The following FGGY variants were observed in gnomAD, a reference collection of about 807,000 sequenced individuals.
The protein encoded by FGGY is FGGY carbohydrate kinase domain containing.
FGGY carries 72 observed loss-of-function variants against 71.3 expected under a neutral mutation model. The observed-to-expected ratio is 1.01, with a 90% confidence interval of 0.84 to 1.23. FGGY has a LOEUF of 1.23. Among genes scored for constraint, FGGY ranks in the 50% most tolerant of loss-of-function variants. The probability of loss-of-function intolerance (pLI) is 0.00; values close to 1 mark genes in which losing one functional copy is unlikely to be tolerated. For missense variants in FGGY, 668 were observed against 682.3 expected (o/e 0.98, Z 0.23); for synonymous variants, 251 against 250.3 (o/e 1.00, Z -0.02).
At chr1:59,341,138 G>T (rs2050597811) in intron 3 of FGGY, among the ~76,000 whole-genome samples, 1 of 152,204 alleles carries the variant, frequency 6.6e-6, no homozygotes, top group African/African-American at 2.4e-5. Flanking sequence ...TAGCTCTGCT[G>T]TTGCTGAGCT....
intron 7 of FGGY, among the ~76,000 whole-genome samples, chr1:59,551,528 TC>T (rs1447040297): frequency 5.3e-5 from 8 of 152,184 alleles, no homozygotes; most frequent in African/African-American, 1.9e-4. Context: ...GTCAAGGATC[TC>T]AGAATCAATA....
chr1:59,412,318 C>A (rs1286554356), intron 5 of FGGY, among the ~76,000 whole-genome samples: 1 of 145,838 alleles, frequency 6.9e-6, no homozygotes, highest in African/African-American at 2.4e-5. Flanking sequence ...TCCTTTCTCT[C>A]TATCGTGGAT....
At chr1:59,676,040 C>T (rs115401736) in intron 14 of FGGY, among the ~76,000 whole-genome samples, 2,318 of 152,210 alleles carry the variant, frequency 0.015, 25 homozygotes, top group Middle Eastern at 0.071. Context: ...AGGGCTCCCA[C>T]GAGACCCTGA....
intron 6 of FGGY, among the ~76,000 whole-genome samples, chr1:59,491,053 T>TTCCTTTCCTTTCCTTTCCTTCCCTCCCTC (rs1570025870): frequency 1.5e-3 from 3 of 2,038 alleles, no homozygotes; most frequent in Non-Finnish European, 1.4e-3. Context: ...CTTCCTTCCT[T>TTCCTTTCCTTTCCTTTCCTTCCCTCCCTC]CCTTCCTTCC....
At chr1:59,740,033 G>A (rs2098135026) in intron 14 of FGGY, among the ~76,000 whole-genome samples, 1 of 152,062 alleles carries the variant, frequency 6.6e-6, no homozygotes, top group Non-Finnish European at 1.5e-5. Context: ...GTTCCTGTGT[G>A]TGGCCCTTTC....
chr1:59,532,939 A>T (rs938986840), intron 7 of FGGY, among the ~76,000 whole-genome samples: 5 of 152,022 alleles, frequency 3.3e-5, no homozygotes, highest in African/African-American at 7.2e-5. Context: ...AAGTCAATAC[A>T]AAACTCTATT....
At chr1:59,466,686 G>C (rs972707251) in intron 6 of FGGY, among the ~76,000 whole-genome samples, 7 of 152,156 alleles carry the variant, frequency 4.6e-5, no homozygotes, top group Non-Finnish European at 8.8e-5. Flanking sequence ...CCATCAAAAA[G>C]TGGGCAACGG....
chr1:59,742,639 A>G (rs1469967244), intron 14 of FGGY, among the ~76,000 whole-genome samples: 1 of 152,252 alleles, frequency 6.6e-6, no homozygotes, highest in African/African-American at 2.4e-5. Context: ...TAAGCATATT[A>G]AAATCTGAAC....
chr1:59,600,068 G>T (rs552871646), intron 8 of FGGY, among the ~76,000 whole-genome samples: 1 of 152,316 alleles, frequency 6.6e-6, no homozygotes, highest in East Asian at 1.9e-4. Flanking sequence ...ACGCTTAAGA[G>T]AGTACAGGAT....
intron 2 of FGGY, among the ~76,000 whole-genome samples, chr1:59,325,197 C>CAA (rs11439290): frequency 3.8e-4 from 57 of 149,826 alleles, no homozygotes; most frequent in East Asian, 2.4e-3. Context: ...ACTAAAAATA[C>CAA]AAAAAAAAAA....
chr1:59,412,110 C>T (rs1360897095), intron 5 of FGGY, among the ~76,000 whole-genome samples: 1 of 152,190 alleles, frequency 6.6e-6, no homozygotes, highest in African/African-American at 2.4e-5. Flanking sequence ...ATTGTACCAT[C>T]TCTTGTTCCA....
intron 6 of FGGY, among the ~76,000 whole-genome samples, chr1:59,458,923 A>C (rs1342805354): frequency 1.3e-5 from 2 of 152,216 alleles, no homozygotes; most frequent in African/African-American, 2.4e-5. Context: ...ATTCTTTAGC[A>C]ATTCTTGGAA....
intron 5 of FGGY, among the ~76,000 whole-genome samples, chr1:59,388,424 A>G (rs766319292): frequency 1.1e-4 from 17 of 152,106 alleles, no homozygotes; most frequent in Non-Finnish European, 2.4e-4. Context: ...ATGGGGTGCA[A>G]AGTCAACTCT....
At chr1:59,725,281 A>G (rs2097933045) in intron 14 of FGGY, among the ~76,000 whole-genome samples, 1 of 151,880 alleles carries the variant, frequency 6.6e-6, no homozygotes, top group Non-Finnish European at 1.5e-5. Context: ...AAATCAGTTG[A>G]CTCTATTTGT....
intron 5 of FGGY, among the ~76,000 whole-genome samples, chr1:59,397,536 C>A (rs1571596669): frequency 1.3e-5 from 2 of 152,188 alleles, no homozygotes; most frequent in African/African-American, 4.8e-5. Flanking sequence ...GAGGGCAAGG[C>A]AGATACTAGT....
At chr1:59,501,530 A>G (rs541780770) in intron 6 of FGGY, among the ~76,000 whole-genome samples, 1 of 152,292 alleles carries the variant, frequency 6.6e-6, no homozygotes, top group East Asian at 1.9e-4. Context: ...TCCTTTTCCT[A>G]GAAGTGGGGT....
intron 11 of FGGY, among the ~76,000 whole-genome samples, chr1:59,656,212 A>T (rs1028169796): frequency 3.3e-5 from 5 of 152,194 alleles, no homozygotes; most frequent in Admixed American, 1.3e-4. Context: ...AAACATTCAA[A>T]ATAGGCACAG....
At chr1:59,406,784 T>C (rs1464428729) in intron 5 of FGGY, among the ~76,000 whole-genome samples, 3 of 152,224 alleles carry the variant, frequency 2.0e-5, no homozygotes, top group Admixed American at 1.3e-4. Flanking sequence ...TCTTGCTTGA[T>C]CTTTCCATCT....
chr1:59,378,756 G>C lies in FGGY; in HGVS notation c.473G>C (p.Arg158Thr), dbSNP rs1237879343. The change falls in exon 5 of 16, where the codon AGA (arginine) becomes ACA (threonine). Residue 158 changes from arginine (R) to threonine (T), a missense_variant. This residue lies in a region of FGGY where 661 missense variants were observed against 661.6 expected (regional missense o/e 1.00). Transcript: ENST00000303721. The stretch of plus-strand genomic sequence containing the variant: ...ATATATTTAATTTGGCAGAACTTGA[G>C]AGAGATTTGCTGGGATAAGGCGGGA... Reference protein sequence around the residue: ...PKLLWLKENLREICWDKAGHF... With the variant: ...PKLLWLKENLTEICWDKAGHF... 1 of 1,613,264 alleles carries C rather than the reference G, an allele frequency of 6.2e-7. No homozygotes were observed. The highest frequency in any genetic ancestry group is 1.1e-5 in the South Asian group (1 of 91,014).
Sources: gnomAD v4.1 joint callset for allele counts (sites outside exome capture counted in the v4.1 genomes callset) on GRCh38, gnomAD v4.1.1 for gene constraint, gnomAD v4.1.1 regional missense constraint, MANE v1.5 for transcripts, NCBI Gene and HGNC (gene_info 2026-07-23, HGNC 2026-07-21) for gene names.